MTA3: variants seen among roughly 807,000 people sequenced by gnomAD.
MTA3 encodes the protein metastasis-associated protein MTA3.
In MTA3, 34 loss-of-function variants were observed where a neutral mutation model predicts 83.5. That is an observed-to-expected ratio of 0.41 (90% CI 0.31 to 0.54). The LOEUF is 0.54. MTA3 is among the 20% of genes least tolerant of loss of function. The pLI, the probability that MTA3 is intolerant of heterozygous loss-of-function variation, is 0.33. For synonymous variants in MTA3, 303 were observed against 252.7 expected (o/e 1.20, Z -1.89); for missense variants, 761 against 726.4 (o/e 1.05, Z -0.55).
chr2:42,565,965 T>G (rs1677892752), upstream of MTA3, among the ~76,000 whole-genome samples: 1 of 152,066 alleles, frequency 6.6e-6, no homozygotes, highest in Non-Finnish European at 1.5e-5. Context: ...ATCCGAATCG[T>G]GCCATTGCAC....
At chr2:42,536,942 G>C (rs905183289) in intron 2 of MTA3, among the ~76,000 whole-genome samples, 2 of 151,634 alleles carry the variant, frequency 1.3e-5, no homozygotes, top group Non-Finnish European at 1.5e-5. Flanking sequence ...GGATCACCTG[G>C]GTGTAAGGAA....
intron 2 of MTA3, among the ~76,000 whole-genome samples, chr2:42,559,221 G>T (rs1677543469): frequency 6.6e-6 from 1 of 152,206 alleles, no homozygotes; most frequent in South Asian, 2.1e-4. Context: ...TTTGTTTTGG[G>T]CTGGGCGCAG....
chr2:42,666,634 T>C (rs940025128), intron 8 of MTA3, among the ~76,000 whole-genome samples: 2 of 152,338 alleles, frequency 1.3e-5, no homozygotes, highest in Admixed American at 6.5e-5. Flanking sequence ...GTGATGTGCT[T>C]ATGTAGAGAG....
intron 2 of MTA3, among the ~76,000 whole-genome samples, chr2:42,531,131 C>G (rs2103720679): frequency 6.6e-6 from 1 of 152,176 alleles, no homozygotes; most frequent in Admixed American, 6.5e-5. Context: ...TGCCCGGCCC[C>G]ATGTGGCAGT....
chr2:42,756,847 C>A lies in MTA3; in HGVS notation c.*3448C>A. 1 of 985,414 alleles carries A rather than the reference C, an allele frequency of 1.0e-6. No homozygotes were observed. Among genetic ancestry groups the A allele is most frequent in the Non-Finnish European group, 1.2e-6 (1 of 829,940 alleles). The allele number at this position is 985,414 out of a possible 1,614,324, so 61.0% of individuals were successfully genotyped here. On this transcript the variant is annotated 3_prime_UTR_variant, in exon 17 of 17. Coordinates refer to ENST00000405094, the MANE Select transcript of MTA3 (RefSeq NM_001330442.2). ...TCATGAGTGTTTCCGCAGGATAATT[C>A]GTTCTGAGCATGATACCACAGTGTG...
chr2:42,657,878 T>C (rs998278655), intron 7 of MTA3, among the ~76,000 whole-genome samples: 1 of 151,404 alleles, frequency 6.6e-6, no homozygotes, highest in Admixed American at 6.6e-5. Flanking sequence ...AAGACTAGCC[T>C]GGCCAACATG....
upstream of MTA3, chr2:42,568,617 C>T: frequency 3.2e-6 from 1 of 314,550 alleles, no homozygotes; most frequent in Non-Finnish European, 4.9e-6. Flanking sequence ...CCCTCCCTTC[C>T]CTCCCTTCCC....
At chr2:42,697,551 A>G (rs542015550) in intron 10 of MTA3, among the ~76,000 whole-genome samples, 3 of 152,262 alleles carry the variant, frequency 2.0e-5, no homozygotes, top group African/African-American at 7.2e-5. Flanking sequence ...ATTTTTTTAA[A>G]CCTATGCCTA....
intron 7 of MTA3, among the ~76,000 whole-genome samples, chr2:42,656,999 TATAAA>T (rs1390030223): frequency 6.6e-6 from 1 of 152,228 alleles, no homozygotes; most frequent in African/African-American, 2.4e-5. Flanking sequence ...ACAGAGTAAT[TATAAA>T]ATGTTTGCTG....
At chr2:42,506,262 TAGTG>T (rs1447103255) in intron 2 of MTA3, among the ~76,000 whole-genome samples, 2 of 151,460 alleles carry the variant, frequency 1.3e-5, no homozygotes, top group African/African-American at 2.4e-5. Context: ...CTGGGCAACA[TAGTG>T]AGACCCTGTC....
chr2:42,735,602 C>T (rs917658278), intron 16 of MTA3, among the ~76,000 whole-genome samples: 51 of 152,138 alleles, frequency 3.4e-4, no homozygotes, highest in African/African-American at 1.2e-3. Context: ...TTTAGATTTG[C>T]CCCTTTGAAG....
chr2:42,580,836 T>A (rs537058303), intron 3 of MTA3, among the ~76,000 whole-genome samples: 58 of 152,200 alleles, frequency 3.8e-4, no homozygotes, highest in African/African-American at 1.2e-3. Flanking sequence ...CCTCAAGTGA[T>A]CCGCCCAGCT....
chr2:42,516,239 C>T (rs377183264), intron 2 of MTA3, among the ~76,000 whole-genome samples: 23 of 152,200 alleles, frequency 1.5e-4, no homozygotes, highest in African/African-American at 5.5e-4. Context: ...AAAGCTGTTT[C>T]TGTAAAAGCT....
chr2:42,509,279 G>A (rs1674788681), intron 2 of MTA3, among the ~76,000 whole-genome samples: 1 of 152,114 alleles, frequency 6.6e-6, no homozygotes, highest in South Asian at 2.1e-4. Context: ...CTGACCTCAA[G>A]TGATCCGCTT....
At chr2:42,518,203 A>G (rs2103686579) in intron 2 of MTA3, among the ~76,000 whole-genome samples, 1 of 152,210 alleles carries the variant, frequency 6.6e-6, no homozygotes, top group Admixed American at 6.6e-5. Context: ...AATAAAAGAA[A>G]ATACAGTTGA....
At chr2:42,505,220 A>G (rs1043666663) in intron 2 of MTA3, among the ~76,000 whole-genome samples, 3 of 151,968 alleles carry the variant, frequency 2.0e-5, no homozygotes, top group Non-Finnish European at 2.9e-5. Flanking sequence ...GTGAAACTCT[A>G]TCTCTACTAA....
chr2:42,553,627 C>T (rs1187279755), intron 2 of MTA3, among the ~76,000 whole-genome samples: 12 of 150,202 alleles, frequency 8.0e-5, no homozygotes, highest in South Asian at 2.1e-4. Context: ...CCCAGCTACT[C>T]GAGAGGCTGA....
chr2:42,505,728 G>A (rs1376538161), intron 2 of MTA3, among the ~76,000 whole-genome samples: 1 of 151,928 alleles, frequency 6.6e-6, no homozygotes, highest in Non-Finnish European at 1.5e-5. Context: ...AAGGGCAAGT[G>A]GGTGGGAATA....
Position 42,682,424 on chromosome 2 carries a change from T to C in MTA3, c.726T>C (p.Tyr242=). 6.2e-7 allele frequency: 1 copy of C among 1,609,058 alleles called. No homozygotes were observed. The highest frequency in any genetic ancestry group is 8.5e-7 in the Non-Finnish European group (1 of 1,177,288). Residue 242 remains tyrosine (Y), a synonymous_variant, in exon 9 of 17, where the codon TAT becomes TAC. Transcript: ENST00000405094. ...ITLFHAMDTL[Y]RHSYDLSSAI... ...AGTTTCACGCTATGGATACATTGTA[T>C]AGACACAGCTATGATTTGAGCAGTG...
Sources: allele counts gnomAD v4.1 joint callset (sites outside exome capture counted in the v4.1 genomes callset), GRCh38; gene constraint gnomAD v4.1.1; transcripts MANE v1.5; gene names NCBI Gene and HGNC (gene_info 2026-07-23, HGNC 2026-07-21).